Variants in HDLBP observed in about 807,000 individuals in gnomAD.
The protein encoded by HDLBP is vigilin.
HDLBP carries 30 observed loss-of-function variants against 137.3 expected under a neutral mutation model. The ratio of observed to expected loss-of-function variants is 0.22; its 90% CI spans 0.16 to 0.30. HDLBP has a LOEUF of 0.30. HDLBP is among the 10% of genes least tolerant of loss of function. The probability of loss-of-function intolerance (pLI) is 1.00; values close to 1 mark genes in which losing one functional copy is unlikely to be tolerated. For synonymous variants in HDLBP, 606 were observed against 596.0 expected, an observed-to-expected ratio of 1.02 and a Z score of -0.24; for missense variants, 1,119 against 1,667.3, an observed-to-expected ratio of 0.67 and a Z score of 5.73.
At chr2:241,244,858 T>C (rs1389675205) in intron 16 of HDLBP, among the ~76,000 whole-genome samples, 2 of 152,212 alleles carry the variant, frequency 1.3e-5, no homozygotes, top group African/African-American at 4.8e-5. Context: ...AAGCCAATCA[T>C]ATAAAATCAT....
At chr2:241,312,828 G>A (rs975240245) in intron 1 of HDLBP, among the ~76,000 whole-genome samples, 3 of 152,246 alleles carry the variant, frequency 2.0e-5, no homozygotes, top group African/African-American at 7.2e-5. Flanking sequence ...GACCCACGAA[G>A]GATCGTAAGA....
At chr2:241,285,172 G>A (rs2074756387) in intron 1 of HDLBP, among the ~76,000 whole-genome samples, 1 of 152,326 alleles carries the variant, frequency 6.6e-6, no homozygotes, top group East Asian at 1.9e-4. Context: ...GAGCCACTGC[G>A]CCCAGCCTTA....
Position 241,240,063 on chromosome 2 carries a change from G to T in HDLBP, c.2229C>A (p.Ile743=). 1.2e-6 allele frequency: 2 copies of T among 1,614,216 alleles called. No homozygotes were observed. The highest frequency in any genetic ancestry group is 1.7e-6 in the Non-Finnish European group (2 of 1,180,038). Reference sequence around the variant, plus strand: ...TGCGAATTTTGCCGCCCCCCTTGCCGATGAGGAATTTGTGGTATTCTGGCT... The same window carrying T: ...TGCGAATTTTGCCGCCCCCCTTGCCTATGAGGAATTTGTGGTATTCTGGCT... ...RAKPEYHKFL[I]GKGGGKIRKV... The change falls in exon 18 of 28, where the codon ATC becomes ATA. Residue 743 remains isoleucine, a synonymous_variant. Transcript: ENST00000310931. This position sits in a 1 kb window ranked among gnomAD's most constrained non-coding sequence, Gnocchi z 5.5.
chr2:241,277,561 G>C (rs1425118436), intron 1 of HDLBP, among the ~76,000 whole-genome samples: 1 of 152,160 alleles, frequency 6.6e-6, no homozygotes, highest in African/African-American at 2.4e-5. Flanking sequence ...TCAAAAACTC[G>C]AAAACAGATG....
chr2:241,285,927 G>C (rs1291497566), intron 1 of HDLBP, among the ~76,000 whole-genome samples: 1 of 152,162 alleles, frequency 6.6e-6, no homozygotes. Context: ...AGGAGACTGA[G>C]GCAGAAGGAT....
chr2:241,255,246 C>A (rs2072523149), intron 8 of HDLBP, 88 bp from the exon 9 acceptor site: 2 of 1,434,256 alleles, frequency 1.4e-6, no homozygotes, highest in Non-Finnish European at 2.0e-6. Flanking sequence ...GGCTCAGAGG[C>A]ACGCTCTCCC....
At chr2:241,246,703 T>G in intron 16 of HDLBP, 49 bp downstream of exon 16, 1 of 1,584,120 alleles carries the variant, frequency 6.3e-7, no homozygotes, top group East Asian at 2.2e-5. Context: ...TCTTAGAGGC[T>G]GTTAGAGATT....
chr2:241,250,627 A>T (rs2072058693), intron 11 of HDLBP: 1 of 152,604 alleles, frequency 6.6e-6, no homozygotes, highest in African/African-American at 2.4e-5. Context: ...CAAGGCAGGA[A>T]TCTTGCCCAC....
intron 1 of HDLBP, among the ~76,000 whole-genome samples, chr2:241,312,864 T>G (rs968609702): frequency 4.6e-5 from 7 of 152,186 alleles, no homozygotes; most frequent in African/African-American, 1.7e-4. Flanking sequence ...GGCACAATCA[T>G]CTCAAATTCT....
intron 5 of HDLBP, 89 bp downstream of exon 5, chr2:241,262,622 G>A (rs2073296409): frequency 1.1e-6 from 1 of 940,846 alleles, no homozygotes; most frequent in Non-Finnish European, 1.7e-6. Context: ...CTGGTAGGAA[G>A]GGTCCAGTGA....
At chr2:241,259,905 G>C (rs1465574542) in intron 5 of HDLBP, among the ~76,000 whole-genome samples, 1 of 152,218 alleles carries the variant, frequency 6.6e-6, no homozygotes, top group African/African-American at 2.4e-5. Flanking sequence ...AAAAGGTTCA[G>C]AGTTCAGAGA....
At chr2:241,299,980 A>G (rs142397795) in intron 1 of HDLBP, among the ~76,000 whole-genome samples, 1 of 152,234 alleles carries the variant, frequency 6.6e-6, no homozygotes, top group Non-Finnish European at 1.5e-5. Context: ...AAATGAATGC[A>G]CATTGCACCC....
At chr2:241,295,058 C>T (rs1263553301) in intron 1 of HDLBP, among the ~76,000 whole-genome samples, 2 of 152,116 alleles carry the variant, frequency 1.3e-5, no homozygotes, top group African/African-American at 4.8e-5. Flanking sequence ...GCCGAGATTG[C>T]ACCACTGCAC....
At chr2:241,245,017 A>G (rs2071550007) in intron 16 of HDLBP, among the ~76,000 whole-genome samples, 4 of 152,196 alleles carry the variant, frequency 2.6e-5, no homozygotes, top group Non-Finnish European at 5.9e-5. Context: ...AACCATTAAA[A>G]AACGATTAAA....
chr2:241,252,878 G>A lies in HDLBP; in HGVS notation c.1372+79C>T, dbSNP rs1048911801. 190 of 933,404 alleles carry A rather than the reference G, an allele frequency of 2.0e-4. 1 individual carries two copies. Among genetic ancestry groups the A allele is most frequent in the Admixed American group, 7.7e-4 (44 of 57,110 alleles). 57.8% of individuals were successfully genotyped at this position (933,404 alleles called of 1,614,324 possible). On this transcript the variant is annotated intron_variant, in intron 11 of 27. Coordinates refer to ENST00000310931, the MANE Select transcript of HDLBP (RefSeq NM_005336.6). ...ATGGGCCTGGACTGTCTGCACGGAC[G>A]TCACAGTTCTCACAGCTGACACCCC...
chr2:241,241,579 A>AAAAC, intron 17 of HDLBP, among the ~76,000 whole-genome samples: 1 of 138,056 alleles, frequency 7.2e-6, no homozygotes, highest in Non-Finnish European at 1.6e-5. Context: ...AAAAAAAAAA[A>AAAAC]AAAAAAAAAA....
At position 241,230,082 on chromosome 2, in the gene HDLBP, G is replaced by A. The variant is rs1371421940; in HGVS notation, c.3591+71C>T. 7 of 1,588,740 alleles carry A rather than the reference G, an allele frequency of 4.4e-6. No individual in the cohort carries two copies. In the East Asian group the frequency reaches 1.6e-4, roughly 36 times the overall value. ...CACAAGTGCCACCTTGTCCCCTGAAGCTCCTGGCTGGGCCTCAGGCCGGTG... is the reference window on the plus strand; with the variant it reads ...CACAAGTGCCACCTTGTCCCCTGAAACTCCTGGCTGGGCCTCAGGCCGGTG... On this transcript the variant is annotated intron_variant, in intron 26 of 27. Coordinates refer to ENST00000310931, the MANE Select transcript of HDLBP (RefSeq NM_005336.6). The surrounding 1 kb of genome is among the most constrained non-coding windows in gnomAD (Gnocchi z 5.0).
At chr2:241,254,003 G>A (rs184475176) in intron 9 of HDLBP, among the ~76,000 whole-genome samples, 50 of 152,264 alleles carry the variant, frequency 3.3e-4, no homozygotes, top group African/African-American at 1.2e-3. Flanking sequence ...AAGTAAAAGG[G>A]GCTGGGCACA....
At chr2:241,295,197 T>C (rs555981924) in intron 1 of HDLBP, among the ~76,000 whole-genome samples, 1 of 152,338 alleles carries the variant, frequency 6.6e-6, no homozygotes, top group African/African-American at 2.4e-5. Context: ...TATTATTTAC[T>C]TTCTATGGAG....
Sources: gnomAD v4.1 joint callset for allele counts (sites outside exome capture counted in the v4.1 genomes callset) on GRCh38, gnomAD v4.1.1 for gene constraint, Gnocchi (gnomAD v3.1) non-coding constraint, MANE v1.5 for transcripts, NCBI Gene and HGNC (gene_info 2026-07-23, HGNC 2026-07-21) for gene names.